Variants in RPS6KC1 observed in about 807,000 individuals in gnomAD.
The protein encoded by RPS6KC1 is inactive ribosomal protein S6 kinase delta-1.
RPS6KC1 carries 54 observed loss-of-function variants against 103.8 expected under a neutral mutation model. That is an observed-to-expected ratio of 0.52 (90% CI 0.42 to 0.65). RPS6KC1 has a LOEUF of 0.65. Ranked by LOEUF, RPS6KC1 falls within the 30% of genes least tolerant of loss-of-function variation. The pLI is 0.00. For missense variants in RPS6KC1, 1,151 were observed against 1,253.8 expected (o/e 0.92, Z 1.24); for synonymous variants, 439 against 438.7 (o/e 1.00, Z -0.01).
the RPS6KC1 span, among the ~76,000 whole-genome samples, chr1:213,551,509 T>C: frequency 6.6e-6 from 1 of 152,242 alleles, no homozygotes; most frequent in African/African-American, 2.4e-5. Flanking sequence ...CTTCCTGTGT[T>C]CTACACTTCT....
downstream of RPS6KC1, among the ~76,000 whole-genome samples, chr1:213,278,813 G>A (rs2095117498): frequency 6.6e-6 from 1 of 152,194 alleles, no homozygotes; most frequent in African/African-American, 2.4e-5. Flanking sequence ...AGAGATCTGA[G>A]GAGCTGCAGG....
At chr1:213,833,302 G>A in the RPS6KC1 span, among the ~76,000 whole-genome samples, 1 of 152,176 alleles carries the variant, frequency 6.6e-6, no homozygotes, top group South Asian at 2.1e-4. Flanking sequence ...ATCAGAAGGT[G>A]TACCCCATGG....
At chr1:213,831,155 A>G in the RPS6KC1 span, among the ~76,000 whole-genome samples, 1 of 152,216 alleles carries the variant, frequency 6.6e-6, no homozygotes, top group Non-Finnish European at 1.5e-5. Context: ...GGTGGTAGGC[A>G]GAATAATCCC....
the RPS6KC1 span, among the ~76,000 whole-genome samples, chr1:213,607,514 C>T: frequency 1.3e-5 from 2 of 152,104 alleles, no homozygotes; most frequent in African/African-American, 2.4e-5. Context: ...TCCCATCCTT[C>T]CTCCTTAAAG....
chr1:213,368,045 T>C, the RPS6KC1 span, among the ~76,000 whole-genome samples: 15 of 152,190 alleles, frequency 9.9e-5, no homozygotes, highest in Non-Finnish European at 2.2e-4. Flanking sequence ...AACTGAGATA[T>C]AGCCGGAGAC....
At chr1:213,339,686 C>A in the RPS6KC1 span, among the ~76,000 whole-genome samples, 1 of 152,174 alleles carries the variant, frequency 6.6e-6, no homozygotes, top group Non-Finnish European at 1.5e-5. Context: ...CAATCGTTAT[C>A]GTGCCTATTT....
chr1:213,226,746 C>T (rs190699080), intron 8 of RPS6KC1, among the ~76,000 whole-genome samples: 3 of 152,362 alleles, frequency 2.0e-5, no homozygotes, highest in African/African-American at 7.2e-5. Context: ...CCTTATTCTT[C>T]ATGGCTTCTC....
At chr1:213,180,541 T>C (rs1223793349) in intron 8 of RPS6KC1, among the ~76,000 whole-genome samples, 1 of 152,208 alleles carries the variant, frequency 6.6e-6, no homozygotes, top group Non-Finnish European at 1.5e-5. Flanking sequence ...AGATTGATCA[T>C]TGGGATGCTA....
chr1:213,126,694 A>G (rs2148971188), intron 5 of RPS6KC1, among the ~76,000 whole-genome samples: 1 of 152,308 alleles, frequency 6.6e-6, no homozygotes, highest in South Asian at 2.1e-4. Context: ...AATTAAAAGA[A>G]TATGATTTTG....
At chr1:213,319,805 C>T in the RPS6KC1 span, among the ~76,000 whole-genome samples, 1 of 152,210 alleles carries the variant, frequency 6.6e-6, no homozygotes, top group Non-Finnish European at 1.5e-5. Context: ...TCTGCTGTAC[C>T]TACCCAATAT....
At chr1:213,221,736 C>T (rs1175588514) in intron 8 of RPS6KC1, among the ~76,000 whole-genome samples, 1 of 152,158 alleles carries the variant, frequency 6.6e-6, no homozygotes, top group Non-Finnish European at 1.5e-5. Flanking sequence ...TCTTTTTCCT[C>T]TGTTTCTACC....
At chr1:213,227,837 G>A (rs758864468) in intron 8 of RPS6KC1, among the ~76,000 whole-genome samples, 1 of 152,032 alleles carries the variant, frequency 6.6e-6, no homozygotes, top group Non-Finnish European at 1.5e-5. Context: ...TTTCATAGAC[G>A]ATAGTTCTCT....
chr1:213,389,228 G>T, the RPS6KC1 span, among the ~76,000 whole-genome samples: 1 of 152,200 alleles, frequency 6.6e-6, no homozygotes, highest in East Asian at 1.9e-4. Flanking sequence ...CAGTCCAACC[G>T]AGCTATTGTA....
chr1:213,431,709 T>G, the RPS6KC1 span, among the ~76,000 whole-genome samples: 1 of 151,780 alleles, frequency 6.6e-6, no homozygotes, highest in African/African-American at 2.4e-5. Flanking sequence ...ATTCTATTAC[T>G]GGTAGACATT....
At chr1:213,688,232 C>G in the RPS6KC1 span, among the ~76,000 whole-genome samples, 1 of 152,080 alleles carries the variant, frequency 6.6e-6, no homozygotes, top group Non-Finnish European at 1.5e-5. Context: ...TCCCCTGTAC[C>G]CTCCCACTTC....
At chr1:213,777,900 G>T in the RPS6KC1 span, among the ~76,000 whole-genome samples, 1 of 152,136 alleles carries the variant, frequency 6.6e-6, no homozygotes, top group Admixed American at 6.5e-5. Context: ...CTTTATGTGC[G>T]TTATCTAACT....
At chr1:213,506,903 G>A in the RPS6KC1 span, among the ~76,000 whole-genome samples, 1 of 152,228 alleles carries the variant, frequency 6.6e-6, no homozygotes, top group South Asian at 2.1e-4. Flanking sequence ...TTACTTTTAG[G>A]CAGCATTTTC....
At chr1:213,363,639 TTTCTTTC>T in the RPS6KC1 span, among the ~76,000 whole-genome samples, 2 of 50,166 alleles carry the variant, frequency 4.0e-5, 1 homozygote, top group African/African-American at 3.5e-4. Flanking sequence ...TCTTTCTTTC[TTTCTTTC>T]TTTCTTTCTT....
At chr1:213,737,129 A>G in the RPS6KC1 span, among the ~76,000 whole-genome samples, 2 of 152,210 alleles carry the variant, frequency 1.3e-5, no homozygotes, top group Non-Finnish European at 2.9e-5. Context: ...TAACAATTTC[A>G]TTTTACATAT....
Sources: allele counts gnomAD v4.1 joint callset (sites outside exome capture counted in the v4.1 genomes callset), GRCh38; gene constraint gnomAD v4.1.1; transcripts MANE v1.5; gene names NCBI Gene and HGNC (gene_info 2026-07-23, HGNC 2026-07-21).